Variants in FRMPD4 observed in about 807,000 individuals in gnomAD.
FRMPD4 encodes FERM and PDZ domain containing 4.
A neutral mutation model predicts 94.1 loss-of-function variants in FRMPD4; 22 were observed. That is an observed-to-expected ratio of 0.23 (90% confidence interval 0.17 to 0.33). The LOEUF (loss-of-function observed/expected upper bound fraction) is 0.33, where lower values mean the gene tolerates loss of function less well. Among genes scored for constraint, FRMPD4 ranks in the 10% least tolerant of loss-of-function variants. The probability of loss-of-function intolerance (pLI) is 1.00; values close to 1 mark genes in which losing one functional copy is unlikely to be tolerated. For synonymous variants in FRMPD4, 631 were observed against 548.6 expected, an observed-to-expected ratio of 1.15 and a Z score of -2.10; for missense variants, 1,111 against 1,339.9, an observed-to-expected ratio of 0.83 and a Z score of 2.67.
chrX:12,101,476 T>C (rs2055255568), intron 3 of FRMPD4, among the ~76,000 whole-genome samples: 1 of 111,992 alleles, frequency 8.9e-6, no homozygotes, highest in African/African-American at 3.2e-5. Context: ...ACATGGTTGC[T>C]CTTCAGAGCA....
At chrX:12,144,546 T>G (rs1319953149) in intron 1 of FRMPD4, among the ~76,000 whole-genome samples, 1 of 110,160 alleles carries the variant, frequency 9.1e-6, no homozygotes, top group African/African-American at 3.3e-5. Flanking sequence ...ATAAGATAAA[T>G]AGTCTATACT....
chrX:12,438,904 C>T (rs778528683), intron 1 of FRMPD4, among the ~76,000 whole-genome samples: 2 of 111,149 alleles, frequency 1.8e-5, no homozygotes, highest in African/African-American at 6.5e-5. Flanking sequence ...GAAACCAAAA[C>T]TTAGCACCAG....
intron 4 of FRMPD4, among the ~76,000 whole-genome samples, chrX:12,621,968 G>GAGAAAGAAAGAAAGAAAGAAAGAA (rs1171799513): frequency 9.7e-5 from 4 of 41,072 alleles, no homozygotes; most frequent in African/African-American, 2.1e-4. Context: ...AAGAAAGAAA[G>GAGAAAGAAAGAAAGAAAGAAAGAA]AGAAAGAAAG....
chrX:11,953,609 G>A (rs1465881555), intron 3 of FRMPD4, among the ~76,000 whole-genome samples: 2 of 111,771 alleles, frequency 1.8e-5, no homozygotes, highest in Admixed American at 9.5e-5. Flanking sequence ...GGTCCCACCA[G>A]AAGATCTGCA....
intron 1 of FRMPD4, among the ~76,000 whole-genome samples, chrX:12,464,838 T>TAC (rs1196523978): frequency 8.9e-6 from 1 of 111,947 alleles, no homozygotes; most frequent in African/African-American, 3.2e-5. Context: ...GGTTAGGTGC[T>TAC]ACAATGCTGT....
chrX:11,931,489 C>T (rs192841218), intron 3 of FRMPD4, among the ~76,000 whole-genome samples: 19 of 111,830 alleles, frequency 1.7e-4, no homozygotes, highest in African/African-American at 5.8e-4. Flanking sequence ...CTCGCCTCTC[C>T]TCATAGCTTC....
chrX:12,523,804 G>C (rs1396306995), intron 2 of FRMPD4, among the ~76,000 whole-genome samples: 1 of 106,206 alleles, frequency 9.4e-6, no homozygotes, highest in African/African-American at 3.5e-5. Flanking sequence ...GGCAATGACA[G>C]AACAGTGAGT....
chrX:12,214,702 T>C lies in FRMPD4; in HGVS notation c.41+75690T>C, dbSNP rs761466721. ...ACCGATAGCTGCATGTTTATGTGGATGCCATTGGGCTGTGTACAGCAATAA... is the reference window on the plus strand; with the variant it reads ...ACCGATAGCTGCATGTTTATGTGGACGCCATTGGGCTGTGTACAGCAATAA... On this transcript the variant is annotated intron_variant, in intron 1 of 16. Coordinates refer to ENST00000675598, the MANE Select transcript of FRMPD4 (RefSeq NM_001368397.1). 2.7e-5 allele frequency among the ~76,000 whole-genome samples: 3 copies of C among 112,571 alleles called. No individual in the cohort carries two copies. In the East Asian group the frequency reaches 8.4e-4, roughly 31 times the overall value.
chrX:12,570,795 G>A (rs1173579082), intron 2 of FRMPD4, among the ~76,000 whole-genome samples: 14 of 111,107 alleles, frequency 1.3e-4, no homozygotes. Context: ...CGACTTAGGG[G>A]CAGGGAGTGT....
At chrX:12,489,196 A>G (rs1322025095) in intron 1 of FRMPD4, among the ~76,000 whole-genome samples, 1 of 112,052 alleles carries the variant, frequency 8.9e-6, no homozygotes, top group African/African-American at 3.2e-5. Context: ...ACTTAATGGA[A>G]TGGGAGATAA....
At chrX:11,863,285 C>A (rs1272480068) in intron 1 of FRMPD4, among the ~76,000 whole-genome samples, 2 of 108,297 alleles carry the variant, frequency 1.8e-5, no homozygotes, top group East Asian at 5.8e-4. Context: ...GGTTTTTTGT[C>A]CTTGAGATAG....
chrX:12,474,136 A>C (rs1388912247), intron 1 of FRMPD4, among the ~76,000 whole-genome samples: 1 of 110,541 alleles, frequency 9.0e-6, no homozygotes, highest in Non-Finnish European at 1.9e-5. Flanking sequence ...AGTGCAATCA[A>C]ACTAGAACTC....
intron 1 of FRMPD4, among the ~76,000 whole-genome samples, chrX:11,844,345 T>A (rs2053561031): frequency 9.0e-6 from 1 of 110,881 alleles, no homozygotes; most frequent in Non-Finnish European, 1.9e-5. Flanking sequence ...TATTTCACCC[T>A]TATTTTTGGA....
At chrX:12,123,118 CTTTTCT>C (rs2055469704) in intron 3 of FRMPD4, among the ~76,000 whole-genome samples, 1 of 73,116 alleles carries the variant, frequency 1.4e-5, no homozygotes, top group African/African-American at 6.1e-5. Context: ...GCTTGATTTT[CTTTTCT>C]TTTTTTTTTT....
Position 12,650,476 on chromosome X carries a change from C to G in FRMPD4, c.423-24387C>G, listed in dbSNP as rs182104097. 3.9e-3 allele frequency among the ~76,000 whole-genome samples: 436 copies of G among 112,050 alleles called. 4 individuals carry two copies. Among genetic ancestry groups the G allele is most frequent in the African/African-American group, 0.013 (412 of 30,854 alleles). ...TTGTCAAATATCTGTTTAATGAATT[C>G]CAACGGTCTTTAAAGTTGAAGTGTA... On this transcript the variant is annotated intron_variant, in intron 4 of 16. Coordinates refer to ENST00000675598, the MANE Select transcript of FRMPD4 (RefSeq NM_001368397.1).
intron 1 of FRMPD4, among the ~76,000 whole-genome samples, chrX:12,341,208 G>A (rs1163037974): frequency 3.6e-5 from 4 of 111,516 alleles, no homozygotes; most frequent in Non-Finnish European, 7.5e-5. Flanking sequence ...TTCTCCCAAA[G>A]CATTCCCCTT....
intron 2 of FRMPD4, among the ~76,000 whole-genome samples, chrX:12,527,108 C>T (rs2058232410): frequency 8.9e-6 from 1 of 112,144 alleles, no homozygotes; most frequent in East Asian, 2.8e-4. Flanking sequence ...CTAAAGAAAA[C>T]AATGGCTTTA....
intron 3 of FRMPD4, among the ~76,000 whole-genome samples, chrX:12,121,565 G>A (rs1385035418): frequency 1.8e-5 from 2 of 111,709 alleles, no homozygotes; most frequent in African/African-American, 6.5e-5. Flanking sequence ...TGCATAAGGC[G>A]ATCTGAGCAT....
upstream of FRMPD4, among the ~76,000 whole-genome samples, chrX:12,134,863 T>C (rs1244753649): frequency 8.9e-6 from 1 of 112,501 alleles, no homozygotes; most frequent in Non-Finnish European, 1.9e-5. Flanking sequence ...CTAGAGCTAA[T>C]ATTCATGTGC....
Sources: allele counts gnomAD v4.1 joint callset (sites outside exome capture counted in the v4.1 genomes callset), GRCh38; gene constraint gnomAD v4.1.1; transcripts MANE v1.5; gene names NCBI Gene and HGNC (gene_info 2026-07-23, HGNC 2026-07-21).